Variants in MGST1 observed in about 807,000 individuals in gnomAD.
MGST1 encodes microsomal glutathione S-transferase 1.
In MGST1, 5 loss-of-function variants were observed where a neutral mutation model predicts 8.9. The ratio of observed to expected loss-of-function variants is 0.56; its 90% CI spans 0.29 to 1.19. MGST1 has a LOEUF of 1.19. Among genes scored for constraint, MGST1 ranks in the 50% most tolerant of loss-of-function variants. The pLI, the probability that MGST1 is intolerant of heterozygous loss-of-function variation, is 0.08. For synonymous variants in MGST1, 54 were observed against 67.8 expected (o/e 0.80, Z 1.00); for missense variants, 182 against 187.4 (o/e 0.97, Z 0.17).
chr12:16,399,221 A>C, intron 1 of MGST1: 2 of 1,476,840 alleles, frequency 1.4e-6, no homozygotes, highest in Non-Finnish European at 1.9e-6. Flanking sequence ...TGTCATGTAA[A>C]ATTTTCAGGG....
chr12:16,583,182 T>C (rs550226564), intron 4 of MGST1, among the ~76,000 whole-genome samples: 4 of 152,296 alleles, frequency 2.6e-5, no homozygotes, highest in African/African-American at 9.6e-5. Context: ...AAATGCCCAT[T>C]GGCTTTAGCA....
chr12:16,566,351 T>G (rs910615504), intron 4 of MGST1, among the ~76,000 whole-genome samples: 6 of 151,836 alleles, frequency 4.0e-5, no homozygotes, highest in African/African-American at 1.5e-4. Context: ...AGGGTGACTA[T>G]GGGCAACAGT....
In MGST1 at chr12:16,530,278, C is replaced by T. The variant is rs139659572; in HGVS notation, n.483-59250C>T. ...CATAATACTATTGGTGTGTTCTAGT[C>T]TGCAGTTCTTAAGTGTAGTATTTAA... On this transcript the variant is annotated intron_variant and non_coding_transcript_variant, in intron 4 of 4. Transcript: ENST00000538857. Among the ~76,000 whole-genome samples the T allele has an allele frequency of 6.1e-3, 930 of 152,156 alleles. 4 individuals carry two copies. Among genetic ancestry groups the T allele is most frequent in the Admixed American group, 9.6e-3 (146 of 15,264 alleles).
intron 4 of MGST1, among the ~76,000 whole-genome samples, chr12:16,468,553 A>G (rs1329206791): frequency 3.3e-5 from 5 of 152,186 alleles, no homozygotes; most frequent in Non-Finnish European, 7.3e-5. Context: ...CAACATTTTT[A>G]TTAATATCAT....
intron 2 of MGST1, among the ~76,000 whole-genome samples, chr12:16,356,915 A>T (rs972435320): frequency 6.6e-6 from 1 of 152,198 alleles, no homozygotes; most frequent in Non-Finnish European, 1.5e-5. Flanking sequence ...CAGATGAGCC[A>T]ATCGCTTGGA....
At chr12:16,475,340 T>C (rs1591739898) in intron 4 of MGST1, among the ~76,000 whole-genome samples, 1 of 152,330 alleles carries the variant, frequency 6.6e-6, no homozygotes, top group African/African-American at 2.4e-5. Context: ...ATATTAAAGC[T>C]GATGAATACA....
chr12:16,466,294 G>A (rs1591737596), intron 4 of MGST1, among the ~76,000 whole-genome samples: 1 of 152,150 alleles, frequency 6.6e-6, no homozygotes, highest in Non-Finnish European at 1.5e-5. Flanking sequence ...ATTTGTGAAA[G>A]GTTCAGGAGC....
At position 16,576,398 on chromosome 12, in the gene MGST1, T is replaced by A. The variant is rs1942997187; in HGVS notation, n.483-13130T>A. ...CTGATGTCCTACCACTCCTGCCTGC[T>A]GAGTTCCTACTAAATCTATTCTTCC... On this transcript the variant is annotated intron_variant and non_coding_transcript_variant, in intron 4 of 4. Coordinates refer to the MGST1 transcript ENST00000538857. The surrounding 1 kb of genome is among the most constrained non-coding windows in gnomAD (Gnocchi z 4.1). Among the ~76,000 whole-genome samples, 1 of 152,206 alleles carries A rather than the reference T, an allele frequency of 6.6e-6. No individual in the cohort carries two copies. The highest frequency in any genetic ancestry group is 2.4e-5 in the African/African-American group (1 of 41,462).
At chr12:16,390,391 C>A (rs912855874) in intron 1 of MGST1, among the ~76,000 whole-genome samples, 1 of 152,134 alleles carries the variant, frequency 6.6e-6, no homozygotes, top group African/African-American at 2.4e-5. Context: ...TATTTTGTCA[C>A]CCAGGCACTA....
At chr12:16,509,002 A>AT (rs1941558873) in intron 4 of MGST1, among the ~76,000 whole-genome samples, 1 of 152,152 alleles carries the variant, frequency 6.6e-6, no homozygotes. Context: ...ATGTGCTTTT[A>AT]TCCCCTCTGA....
At chr12:16,434,139 T>C (rs1940963640) in intron 1 of MGST1, among the ~76,000 whole-genome samples, 4 of 152,104 alleles carry the variant, frequency 2.6e-5, no homozygotes, top group Admixed American at 2.6e-4. Flanking sequence ...TCTGGATCAG[T>C]AAGAATATTT....
chr12:16,352,701 C>T (rs1333630151), intron 1 of MGST1, among the ~76,000 whole-genome samples: 1 of 152,226 alleles, frequency 6.6e-6, no homozygotes, highest in Non-Finnish European at 1.5e-5. Flanking sequence ...CAGATAACTA[C>T]ATTCCTCTAC....
chr12:16,559,810 A>AAAT lies in MGST1; in HGVS notation n.483-29717_483-29715dup, dbSNP rs1942323513. Among the ~76,000 whole-genome samples the AAAT allele has an allele frequency of 1.3e-5, 2 of 151,812 alleles. No homozygotes were observed. The highest frequency in any genetic ancestry group is 1.3e-4 in the Admixed American group (2 of 15,234). On this transcript the variant is annotated intron_variant and non_coding_transcript_variant, in intron 4 of 4. Transcript: ENST00000538857. This position sits in a 1 kb window ranked among gnomAD's most constrained non-coding sequence, Gnocchi z 4.1. ...CTCTATAAAAAATGAAAAAAAAAAA[A>AAAT]AATTAGCCAGGCATGGGAGTGCACA... is the stretch of plus-strand genomic sequence containing the variant.
intron 4 of MGST1, among the ~76,000 whole-genome samples, chr12:16,495,406 A>T (rs1941463363): frequency 6.6e-6 from 1 of 152,084 alleles, no homozygotes; most frequent in South Asian, 2.1e-4. Flanking sequence ...TCCAAACATC[A>T]GTATTGCACA....
downstream of MGST1, chr12:16,364,529 A>G (rs1256260151): frequency 2.1e-5 from 8 of 376,246 alleles, no homozygotes; most frequent in African/African-American, 4.4e-5. This position sits in a 1 kb window ranked among gnomAD's most constrained non-coding sequence, Gnocchi z 5.7. Context: ...AGTTGTTAAC[A>G]TTTTGCATAT....
chr12:16,469,362 T>C (rs529496468), intron 4 of MGST1, among the ~76,000 whole-genome samples: 267 of 152,186 alleles, frequency 1.8e-3, no homozygotes, highest in African/African-American at 5.6e-3. Context: ...ATTTTTTTTG[T>C]ATTTTTAGTA....
chr12:16,403,381 C>G (rs1038504055), intron 1 of MGST1, among the ~76,000 whole-genome samples: 2 of 151,684 alleles, frequency 1.3e-5, no homozygotes, highest in South Asian at 2.1e-4. Context: ...TGATTTCAAG[C>G]CTTTGATGTG....
At chr12:16,355,324 T>C (rs1939668627) in intron 2 of MGST1, among the ~76,000 whole-genome samples, 1 of 150,878 alleles carries the variant, frequency 6.6e-6, no homozygotes, top group African/African-American at 2.4e-5. Flanking sequence ...TTCTCATGCC[T>C]CAGCGTCCCA....
downstream of MGST1, among the ~76,000 whole-genome samples, chr12:16,440,266 CACA>C (rs1941028006): frequency 6.6e-6 from 1 of 151,624 alleles, no homozygotes; most frequent in South Asian, 2.1e-4. Context: ...CACACACACA[CACA>C]CATACACAGT....
Sources: gnomAD v4.1 joint callset for allele counts (sites outside exome capture counted in the v4.1 genomes callset) on GRCh38, gnomAD v4.1.1 for gene constraint, Gnocchi (gnomAD v3.1) non-coding constraint, MANE v1.5 for transcripts, NCBI Gene and HGNC (gene_info 2026-07-23, HGNC 2026-07-21) for gene names.